The following PHLDB2 variants were observed in gnomAD, a reference collection of about 807,000 sequenced individuals.
PHLDB2 encodes pleckstrin homology like domain family B member 2, also known as pleckstrin homology-like domain family B member 2.
PHLDB2 carries 71 observed loss-of-function variants against 123.6 expected under a neutral mutation model. The observed-to-expected ratio is 0.57, with a 90% CI of 0.47 to 0.70. The LOEUF is 0.70. Among genes scored for constraint, PHLDB2 ranks in the 30% least tolerant of loss-of-function variants. The pLI is 0.00. For synonymous variants in PHLDB2, 547 were observed against 541.6 expected, an observed-to-expected ratio of 1.01 and a Z score of -0.14; for missense variants, 1,446 against 1,519.5, an observed-to-expected ratio of 0.95 and a Z score of 0.80.
At position 111,745,794 on chromosome 3, in the gene PHLDB2, GAAAAGAGAA is replaced by G. The variant is rs1257833721; in HGVS notation, c.-49+13093_-49+13101del. Among the ~76,000 whole-genome samples, 9 of 121,538 alleles carry G rather than the reference GAAAAGAGAA, an allele frequency of 7.4e-5. No individual in the cohort carries two copies. In the South Asian group the frequency reaches 9.4e-4, roughly 13 times the overall value. The allele number at this position is 121,538 out of a possible 152,430, so 79.7% of individuals were successfully genotyped here. A position where few individuals can be genotyped will look rare whatever the true frequency, so the allele number is the denominator to read the frequency against. On this transcript the variant is annotated intron_variant, in intron 1 of 17. Coordinates refer to the PHLDB2 transcript ENST00000393923. ...AAAAAAAGAAAGAAAGAAAAGAAAAGAAAAGAGAAAGAAAGAAGAAAGAAAAGAGAAGAG... is the reference window on the plus strand; with the variant it reads ...AAAAAAAGAAAGAAAGAAAAGAAAAGAGAAAGAAGAAAGAAAAGAGAAGAG...
intron 1 of PHLDB2, among the ~76,000 whole-genome samples, chr3:111,828,882 G>T (rs905940168): frequency 6.6e-6 from 1 of 152,138 alleles, no homozygotes; most frequent in African/African-American, 2.4e-5. Context: ...TTGAGTCCCT[G>T]CCAAATGCCA....
chr3:111,952,435 C>T (rs2070773783), intron 10 of PHLDB2, 137 bp from the exon 11 acceptor site: 2 of 853,598 alleles, frequency 2.3e-6, no homozygotes, highest in African/African-American at 1.7e-5. Flanking sequence ...TCAGTGAACA[C>T]AATATATGTT....
chr3:111,965,793 A>G (rs1444033292), intron 13 of PHLDB2, among the ~76,000 whole-genome samples: 1 of 152,238 alleles, frequency 6.6e-6, no homozygotes. Flanking sequence ...AGAACAGTCA[A>G]ATAGAATGTA....
chr3:111,887,945 A>C (rs1329010419), intron 2 of PHLDB2, among the ~76,000 whole-genome samples: 1 of 152,148 alleles, frequency 6.6e-6, no homozygotes, highest in Non-Finnish European at 1.5e-5. Flanking sequence ...TTTTGTAGAC[A>C]AGCTCACAGA....
At chr3:111,920,124 C>T (rs1020989645) in intron 4 of PHLDB2, among the ~76,000 whole-genome samples, 158 bp from the exon 5 acceptor site, 1 of 152,310 alleles carries the variant, frequency 6.6e-6, no homozygotes, top group Admixed American at 6.5e-5. Flanking sequence ...GGGAATCTTG[C>T]TTTCACATGG....
In PHLDB2 at chr3:111,884,990, T is replaced by C. The variant is rs780931098; in HGVS notation, c.913T>C (p.Ser305Pro). 6 of 1,614,170 alleles carry C rather than the reference T, an allele frequency of 3.7e-6. No individual in the cohort carries two copies. The East Asian group carries it at 1.3e-4, about 36-fold the overall frequency. ...AGACAATGACAATTACCTTAATTTT[T>C]CTTCTTTGAGCTCAGGGGCTTTACC... ...VIDNDNYLNF[S>P]SLSSGALPYK... The change falls in exon 2 of 18, where the codon TCT becomes CCT. Residue 305 changes from serine (S) to proline (P), a missense_variant. Around this residue, in one of 3 missense-constraint regions of PHLDB2, gnomAD observed 832 missense variants for 831.9 expected, o/e 1.00. Transcript: ENST00000431670.
intron 1 of PHLDB2, among the ~76,000 whole-genome samples, chr3:111,790,461 T>C (rs1294737433): frequency 1.3e-5 from 2 of 152,224 alleles, no homozygotes; most frequent in African/African-American, 4.8e-5. Flanking sequence ...ACTAGTAGTC[T>C]CTTCATACTC....
rs568649402 is a variant in PHLDB2, at chr3:111,828,292, C to G, written c.-48-17529C>G. On this transcript the variant is annotated intron_variant, in intron 1 of 17. Transcript: ENST00000393923. ...ACAGAGGCAGCTGAAGTTGCCCTGC[C>G]CCAGCCCCAATATCCTCCTGTGCAC... 3.9e-5 allele frequency among the ~76,000 whole-genome samples: 6 copies of G among 152,292 alleles called. No homozygotes were observed. In the South Asian group the frequency reaches 1.2e-3, roughly 32 times the overall value.
intron 1 of PHLDB2, among the ~76,000 whole-genome samples, chr3:111,756,691 A>G (rs1028646790): frequency 6.6e-6 from 1 of 152,122 alleles, no homozygotes; most frequent in Non-Finnish European, 1.5e-5. Context: ...TCCTGTCATT[A>G]TGATGTTAGC....
At chr3:111,928,042 G>C (rs909340009) in intron 5 of PHLDB2, among the ~76,000 whole-genome samples, 18 of 152,186 alleles carry the variant, frequency 1.2e-4, no homozygotes, top group Non-Finnish European at 2.2e-4. Context: ...AAATTCTTTA[G>C]TGTAAACTTT....
At chr3:111,918,980 G>A in intron 3 of PHLDB2, 92 bp from the exon 4 acceptor site, 1 of 1,340,608 alleles carries the variant, frequency 7.5e-7, no homozygotes, top group Non-Finnish European at 1.1e-6. Flanking sequence ...TGGAGACTGT[G>A]AGACCCTAGA....
At chr3:111,845,720 T>C in intron 1 of PHLDB2, 1 of 1,374,532 alleles carries the variant, frequency 7.3e-7, no homozygotes, top group Non-Finnish European at 1.0e-6. Context: ...CCCCGGATGT[T>C]AAACATCTGA....
intron 1 of PHLDB2, among the ~76,000 whole-genome samples, chr3:111,771,678 C>T (rs1160191328): frequency 6.6e-6 from 1 of 152,170 alleles, no homozygotes; most frequent in Non-Finnish European, 1.5e-5. Context: ...CTGACATACA[C>T]ATATGTGCCT....
chr3:111,953,727 C>A, intron 11 of PHLDB2: 1 of 460,434 alleles, frequency 2.2e-6, no homozygotes. Context: ...GGAGGAAGTG[C>A]TTTGATATTG....
At chr3:111,849,829 G>A (rs1394347907) in intron 2 of PHLDB2, among the ~76,000 whole-genome samples, 2 of 152,034 alleles carry the variant, frequency 1.3e-5, no homozygotes, top group Non-Finnish European at 2.9e-5. Flanking sequence ...ATGAAATAAT[G>A]TCTTTTCCAG....
chr3:111,927,658 G>A (rs1371986256), intron 5 of PHLDB2, among the ~76,000 whole-genome samples: 5 of 152,084 alleles, frequency 3.3e-5, no homozygotes, highest in Admixed American at 6.6e-5. Flanking sequence ...ATTATGTCCC[G>A]TGCAATAATT....
At chr3:111,835,176 G>T (rs548168624) in intron 1 of PHLDB2, among the ~76,000 whole-genome samples, 1 of 152,016 alleles carries the variant, frequency 6.6e-6, no homozygotes, top group Non-Finnish European at 1.5e-5. Flanking sequence ...AGAGTTTAAT[G>T]ATATTTTTAT....
intron 1 of PHLDB2, among the ~76,000 whole-genome samples, chr3:111,776,337 T>C (rs754942586): frequency 1.3e-5 from 2 of 152,172 alleles, no homozygotes; most frequent in Non-Finnish European, 2.9e-5. Flanking sequence ...TCTTTAGGAC[T>C]GTGTATAGGG....
intron 1 of PHLDB2, among the ~76,000 whole-genome samples, chr3:111,755,180 A>G (rs1277748990): frequency 2.7e-5 from 4 of 146,726 alleles, no homozygotes; most frequent in African/African-American, 7.5e-5. Flanking sequence ...TGAGTTAGGG[A>G]GGATTCCCTC....
Sources: allele counts gnomAD v4.1 joint callset (sites outside exome capture counted in the v4.1 genomes callset), GRCh38; gene constraint gnomAD v4.1.1; regional missense constraint gnomAD v4.1.1; transcripts MANE v1.5; gene names NCBI Gene and HGNC (gene_info 2026-07-23, HGNC 2026-07-21).